Variants in PYCR3 observed in about 807,000 individuals in gnomAD.
PYCR3 encodes the protein P5C reductase 3.
Under a neutral mutation model 23.4 loss-of-function variants are expected in PYCR3, and 26 were observed. That is an observed-to-expected ratio of 1.11 (90% CI 0.81 to 1.54). The LOEUF is 1.54. PYCR3 is among the 40% of genes most tolerant of loss of function. PYCR3 has a pLI of 0.00. For missense variants in PYCR3, 360 were observed against 376.3 expected (o/e 0.96, Z 0.36); for synonymous variants, 194 against 162.6 (o/e 1.19, Z -1.47).
chr8:143,608,287 G>C (rs776625888), intron 1 of PYCR3, 161 bp from the exon 2 acceptor site: 26 of 606,606 alleles, frequency 4.3e-5, no homozygotes, highest in Non-Finnish European at 6.7e-5. Flanking sequence ...CCATTCACTG[G>C]GCCCAGGCAA....
chr8:143,607,028 C>T lies in PYCR3; in HGVS notation c.261G>A (p.Glu87=), dbSNP rs61735421. ...KPHVLPAVLA[E]VAPVVTTEHI... ...GTTCAGTGGTGACCACAGGAGCCACCTCTGCCAGGACAGCTGGCAGCACAT... is the reference window on the plus strand; with the variant it reads ...GTTCAGTGGTGACCACAGGAGCCACTTCTGCCAGGACAGCTGGCAGCACAT... Residue 87 remains glutamate, a synonymous_variant, in exon 3 of 6, where the codon GAG becomes GAA. Coordinates refer to ENST00000495276, the MANE Select transcript of PYCR3 (RefSeq NM_023078.6). 3.5e-3 allele frequency: 5,570 copies of T among 1,613,300 alleles called. 161 individuals are homozygous for T. In the African/African-American group the frequency reaches 0.068, roughly 20 times the overall value.
Position 143,605,734 on chromosome 8 carries a change from G to A in PYCR3, c.791C>T (p.Ala264Val). 1.2e-6 allele frequency: 2 copies of A among 1,605,418 alleles called. No individual in the cohort carries two copies. The highest frequency in any genetic ancestry group is 1.7e-5 in the Admixed American group (1 of 59,748). The stretch of plus-strand genomic sequence containing the variant: ...GCTGAGCTCCTTGGCCCGGCAGGTG[G>A]CAGCCTCCACGGCGCTCATGGTGGC... ...RAATMSAVEAATCRAKELSRK is the reference protein window; with the variant it reads ...RAATMSAVEAVTCRAKELSRK The change falls in exon 6 of 6, where the codon GCC becomes GTC. Residue 264 changes from alanine (A) to valine (V), a missense_variant. Ala to Val is a moderately conservative substitution (Grantham distance 64). Coordinates refer to ENST00000495276, the MANE Select transcript of PYCR3 (RefSeq NM_023078.6).
In PYCR3 at chr8:143,604,449, G is replaced by A. The variant is rs75498349; in HGVS notation, c.*1251C>T. 195 of 191,230 alleles carry A rather than the reference G, an allele frequency of 1.0e-3. 3 individuals carry two copies. In the East Asian group the frequency reaches 0.027, roughly 27 times the overall value. 11.8% of individuals were successfully genotyped at this position (191,230 alleles called of 1,614,324 possible). On this transcript the variant is annotated 3_prime_UTR_variant, in exon 6 of 6. Coordinates refer to ENST00000495276, the MANE Select transcript of PYCR3 (RefSeq NM_023078.6). ...GGCAGCTGAGCATGAGGGATGGAGC[G>A]TGCTGCTGTCCTGCAGGTGCCGTTA...
At position 143,607,582 on chromosome 8, in the gene PYCR3, A is replaced by G. The variant is rs1268058769; in HGVS notation, c.157-450T>C. On this transcript the variant is annotated intron_variant, in intron 2 of 5. Coordinates refer to ENST00000495276, the MANE Select transcript of PYCR3 (RefSeq NM_023078.6). ...CACGCACTCATACACGCACACACGC[A>G]CTCATATACACATCTGCACAGGCAC... Among the ~76,000 whole-genome samples the G allele has an allele frequency of 2.0e-5, 3 of 151,922 alleles. No homozygotes were observed. The East Asian group carries it at 5.8e-4, about 29-fold the overall frequency.
At chr8:143,609,281 A>G (rs1829480259) in intron 1 of PYCR3, among the ~76,000 whole-genome samples, 177 bp downstream of exon 1, 1 of 152,258 alleles carries the variant, frequency 6.6e-6, no homozygotes, top group Non-Finnish European at 1.5e-5. Context: ...GTGTGACTCA[A>G]ATCTTCCCGC....
rs1178525355 is a variant in PYCR3 at position 143,609,465 on chromosome 8, G to A, written c.84C>T (p.Ile28=). The A allele has an allele frequency of 4.0e-6, 6 of 1,511,026 alleles. No individual in the cohort carries two copies. The highest frequency in any genetic ancestry group is 2.7e-5 in the East Asian group (1 of 37,442). The allele number at this position is 1,511,026 out of a possible 1,614,324, so 93.6% of individuals were successfully genotyped here. ...AGCCCCGCGCCGCCCCACCTGCTCT[G>A]ATGAGGCCCTGCGCGATGGCCCCCG... The part of the protein sequence containing the change: ...RMAGAIAQGL[I]RAGKVEAQHI... The change falls in exon 1 of 6, where the codon ATC becomes ATT. Residue 28 remains isoleucine (I), a synonymous_variant. Coordinates refer to ENST00000495276, the MANE Select transcript of PYCR3 (RefSeq NM_023078.6).
At position 143,604,736 on chromosome 8, in the gene PYCR3, G is replaced by A. The variant is rs1013723990; in HGVS notation, c.*964C>T. The A allele has an allele frequency of 2.4e-5, 9 of 379,114 alleles. No individual in the cohort carries two copies. The highest frequency in any genetic ancestry group is 4.7e-5 in the Non-Finnish European group (9 of 193,536). The allele number at this position is 379,114 out of a possible 1,614,324, so 23.5% of individuals were successfully genotyped here. A position where few individuals can be genotyped will look rare whatever the true frequency, so the allele number is the denominator to read the frequency against. On this transcript the variant is annotated 3_prime_UTR_variant, in exon 6 of 6. Transcript: ENST00000495276. Reference sequence around the variant, plus strand: ...AGAACCCTAGCCTTCAATCCTGGGGGTTTGCTTCTCCCCTGAGTCCTGGCT... The same window carrying A: ...AGAACCCTAGCCTTCAATCCTGGGGATTTGCTTCTCCCCTGAGTCCTGGCT...
rs767430783 is a variant in PYCR3, at chr8:143,606,148, C to G, written c.556G>C (p.Ala186Pro). ...LSGSGVAFVC[A>P]FSEALAEGAV... ...CCTTCAGCCAGGGCCTCGGAGAATGCACACACCTGTAGCCGCGGCATGGTG... is the reference window on the plus strand; with the variant it reads ...CCTTCAGCCAGGGCCTCGGAGAATGGACACACCTGTAGCCGCGGCATGGTG... Residue 186 changes from alanine to proline, a missense_variant, in exon 5 of 6, where the codon GCA becomes CCA. Physicochemically the swap from Ala to Pro is conservative, Grantham distance 27. Coordinates refer to ENST00000495276, the MANE Select transcript of PYCR3 (RefSeq NM_023078.6). 2 of 1,608,666 alleles carry G rather than the reference C, an allele frequency of 1.2e-6. No homozygotes were observed. Among genetic ancestry groups the G allele is most frequent in the Non-Finnish European group, 1.7e-6 (2 of 1,178,220 alleles).
intron 2 of PYCR3, among the ~76,000 whole-genome samples, chr8:143,607,656 A>G (rs1829440149): frequency 6.6e-6 from 1 of 151,984 alleles, no homozygotes; most frequent in African/African-American, 2.4e-5. Context: ...GTGCACATGC[A>G]CTCATGAGCA....
chr8:143,605,129 C>A lies in PYCR3; in HGVS notation c.*571G>T. 2 of 357,372 alleles carry A rather than the reference C, an allele frequency of 5.6e-6. No homozygotes were observed. Among genetic ancestry groups the A allele is most frequent in the Admixed American group, 3.8e-5 (1 of 26,084 alleles). The allele number at this position is 357,372 out of a possible 1,614,324, so 22.1% of individuals were successfully genotyped here. The stretch of plus-strand genomic sequence containing the variant: ...CACCACAGCCACCCTCTTCTCCAGG[C>A]TGCAGGGCAGGCTCCAGCTCCCCAT... On this transcript the variant is annotated 3_prime_UTR_variant, in exon 6 of 6. Transcript: ENST00000495276.
rs927113714 is a variant in PYCR3 at position 143,609,405 on chromosome 8, C to T, written c.91+53G>A. The stretch of plus-strand genomic sequence containing the variant: ...GCCCCACTCTCGCGGCAGGACACCT[C>T]CCACGGGGCTGCTCCCACTCCAGAC... On this transcript the variant is annotated intron_variant, in intron 1 of 5. Transcript: ENST00000495276. 30 of 1,432,872 alleles carry T rather than the reference C, an allele frequency of 2.1e-5. No individual in the cohort carries two copies. In the African/African-American group the frequency reaches 3.9e-4, roughly 19 times the overall value. 88.8% of individuals were successfully genotyped at this position (1,432,872 alleles called of 1,614,324 possible).
In PYCR3 at chr8:143,605,555, G is replaced by T; in HGVS notation, c.*145C>A. 1.3e-6 allele frequency: 1 copy of T among 795,302 alleles called. No homozygotes were observed. Among genetic ancestry groups the T allele is most frequent in the Non-Finnish European group, 1.9e-6 (1 of 514,628 alleles). 49.3% of individuals were successfully genotyped at this position (795,302 alleles called of 1,614,324 possible). A position where few individuals can be genotyped will look rare whatever the true frequency, so the allele number is the denominator to read the frequency against. On this transcript the variant is annotated 3_prime_UTR_variant, in exon 6 of 6. Transcript: ENST00000495276. Reference sequence around the variant, plus strand: ...TCCCCCGCCTGCTGGAACCTCCCAAGTCCTGCCCCCTGCATTTCCCTGTGC... The same window carrying T: ...TCCCCCGCCTGCTGGAACCTCCCAATTCCTGCCCCCTGCATTTCCCTGTGC...
rs192030122 is a variant in PYCR3 at position 143,604,848 on chromosome 8, A to T, written c.*852T>A. On this transcript the variant is annotated 3_prime_UTR_variant, in exon 6 of 6. Coordinates refer to ENST00000495276, the MANE Select transcript of PYCR3 (RefSeq NM_023078.6). The stretch of plus-strand genomic sequence containing the variant: ...TGTGGTGGTGCCAGAGCTACGGGGT[A>T]TTCCAGGACCCCTGACCTAGGCACG... The T allele has an allele frequency of 1.1e-4, 52 of 469,614 alleles. 1 individual carries two copies. In the East Asian group the frequency reaches 3.4e-3, roughly 30 times the overall value. The allele number at this position is 469,614 out of a possible 1,614,324, so 29.1% of individuals were successfully genotyped here. A position where few individuals can be genotyped will look rare whatever the true frequency, so the allele number is the denominator to read the frequency against.
At position 143,604,412 on chromosome 8, in the gene PYCR3, C is replaced by T. The variant is rs148025895; in HGVS notation, c.*1288G>A. 647 of 168,842 alleles carry T rather than the reference C, an allele frequency of 3.8e-3. 4 individuals are homozygous for T. The highest frequency in any genetic ancestry group is 5.7e-3 in the Middle Eastern group (2 of 352). 10.5% of individuals were successfully genotyped at this position (168,842 alleles called of 1,614,324 possible). ...AGAGAGCAGATGAAGGGCAGAAGTC[C>T]GTGGCCGCAGAGGCAGCTGAGCATG... On this transcript the variant is annotated 3_prime_UTR_variant, in exon 6 of 6. Coordinates refer to ENST00000495276, the MANE Select transcript of PYCR3 (RefSeq NM_023078.6).
At position 143,606,337 on chromosome 8, in the gene PYCR3, T is replaced by A. The variant is rs181431735; in HGVS notation, c.549+130A>T. 9,050 of 1,122,444 alleles carry A rather than the reference T, an allele frequency of 8.1e-3. 112 individuals are homozygous for A. Among genetic ancestry groups the A allele is most frequent in the Non-Finnish European group, 9.7e-3 (7,465 of 767,768 alleles). 69.5% of individuals were successfully genotyped at this position (1,122,444 alleles called of 1,614,324 possible). ...GTGAAGTCCCGGGGACAAGCAGAGC[T>A]CCCAGTGGGCCTGGGGAGCAACCAC... is the stretch of plus-strand genomic sequence containing the variant. On this transcript the variant is annotated intron_variant, in intron 4 of 5. Coordinates refer to ENST00000495276, the MANE Select transcript of PYCR3 (RefSeq NM_023078.6).
In PYCR3 at chr8:143,604,599, C is replaced by T. The variant is rs945860819; in HGVS notation, c.*1101G>A. 2.6e-5 allele frequency: 8 copies of T among 306,854 alleles called. No individual in the cohort carries two copies. Among genetic ancestry groups the T allele is most frequent in the South Asian group, 1.6e-4 (6 of 37,478 alleles). The allele number at this position is 306,854 out of a possible 1,614,324, so 19.0% of individuals were successfully genotyped here. On this transcript the variant is annotated 3_prime_UTR_variant, in exon 6 of 6. Coordinates refer to ENST00000495276, the MANE Select transcript of PYCR3 (RefSeq NM_023078.6). The stretch of plus-strand genomic sequence containing the variant: ...CCTCCAGAGGCTGTTGGGCGGAAGC[C>T]GAGAGCTGCAGCAGTTGGGGCCAGC...
At chr8:143,609,412 G>C (rs1423265096) in intron 1 of PYCR3, 46 bp downstream of exon 1, 2 of 1,454,980 alleles carry the variant, frequency 1.4e-6, no homozygotes, top group Admixed American at 5.4e-5. Flanking sequence ...CCTCCCACGG[G>C]GCTGCTCCCA....
At position 143,607,111 on chromosome 8, in the gene PYCR3, G is replaced by A. The variant is rs1563679825; in HGVS notation, c.178C>T (p.His60Tyr). 3 of 1,593,432 alleles carry A rather than the reference G, an allele frequency of 1.9e-6. No homozygotes were observed. In the East Asian group the frequency reaches 6.9e-5, roughly 36 times the overall value. The change falls in exon 3 of 6, where the codon CAC (histidine) becomes TAC (tyrosine). Residue 60 changes from histidine to tyrosine, a missense_variant. Physicochemically the swap from His to Tyr is moderately conservative, Grantham distance 83. Transcript: ENST00000495276. The stretch of plus-strand genomic sequence containing the variant: ...CTCTGCAGCACCTCCTGGTTGGAGT[G>A]CGTGGTCCGGCAACCCAGAGCCTGC... Reference protein sequence around the residue: ...HFQALGCRTTHSNQEVLQSCL... With the variant: ...HFQALGCRTTYSNQEVLQSCL...
In PYCR3 at chr8:143,604,632, T is replaced by C. The variant is rs1478238587; in HGVS notation, c.*1068A>G. 3.2e-6 allele frequency: 1 copy of C among 313,156 alleles called. No homozygotes were observed. Among genetic ancestry groups the C allele is most frequent in the Non-Finnish European group, 6.2e-6 (1 of 162,046 alleles). The allele number at this position is 313,156 out of a possible 1,614,324, so 19.4% of individuals were successfully genotyped here. On this transcript the variant is annotated 3_prime_UTR_variant, in exon 6 of 6. Transcript: ENST00000495276. ...GCAGCAGTTGGGGCCAGCGTGGGAC[T>C]GGAGGCCCAGGTGAATCTTGTGGGG...
Sources: allele counts gnomAD v4.1 joint callset (sites outside exome capture counted in the v4.1 genomes callset), GRCh38; gene constraint gnomAD v4.1.1; transcripts MANE v1.5; gene names NCBI Gene and HGNC (gene_info 2026-07-23, HGNC 2026-07-21).